The following FOXO3 variants were observed in gnomAD, a reference collection of about 807,000 sequenced individuals.
The protein encoded by FOXO3 is forkhead box protein O3.
In FOXO3, 4 loss-of-function variants were observed where a neutral mutation model predicts 41.9. The ratio of observed to expected loss-of-function variants is 0.10; its 90% CI spans 0.05 to 0.22. The LOEUF (loss-of-function observed/expected upper bound fraction) is 0.22, where lower values mean the gene tolerates loss of function less well. Ranked by LOEUF, FOXO3 falls within the 10% of genes least tolerant of loss-of-function variation. The pLI is 1.00. For synonymous variants in FOXO3, 318 were observed against 389.3 expected, an observed-to-expected ratio of 0.82 and a Z score of 2.16; for missense variants, 534 against 906.8, an observed-to-expected ratio of 0.59 and a Z score of 5.28.
intron 1 of FOXO3, among the ~76,000 whole-genome samples, chr6:108,581,280 C>T (rs1776413189): frequency 6.6e-6 from 1 of 152,018 alleles, no homozygotes; most frequent in South Asian, 2.1e-4. Context: ...TAGGAGGAGG[C>T]CAAACTGTGG....
intron 1 of FOXO3, among the ~76,000 whole-genome samples, chr6:108,613,409 A>G (rs1777415060): frequency 6.6e-6 from 1 of 152,196 alleles, no homozygotes; most frequent in African/African-American, 2.4e-5. Flanking sequence ...AATTTATTTC[A>G]TAGATACAAT....
intron 1 of FOXO3, among the ~76,000 whole-genome samples, chr6:108,614,712 G>GT (rs56801817): frequency 8.1e-4 from 121 of 149,306 alleles, no homozygotes; most frequent in African/African-American, 2.6e-3. Context: ...TGATGTTTTG[G>GT]TTTTTTTTTG....
At chr6:108,673,442 C>G (rs1276494948) in intron 2 of FOXO3, among the ~76,000 whole-genome samples, 2 of 152,246 alleles carry the variant, frequency 1.3e-5, no homozygotes, top group Non-Finnish European at 2.9e-5. Context: ...CTCTGTGGCA[C>G]TGGTGTGATG....
At chr6:108,657,387 T>C (rs1405341707) in intron 1 of FOXO3, among the ~76,000 whole-genome samples, 1 of 152,208 alleles carries the variant, frequency 6.6e-6, no homozygotes, top group Non-Finnish European at 1.5e-5. Context: ...GGGGTCATAG[T>C]AGCTTCTTAG....
chr6:108,657,195 C>G (rs1778713456), intron 1 of FOXO3, among the ~76,000 whole-genome samples: 1 of 152,214 alleles, frequency 6.6e-6, no homozygotes, highest in African/African-American at 2.4e-5. Flanking sequence ...ACTGCACTCT[C>G]TTTAGACACA....
Position 108,663,757 on chromosome 6 carries a change from C to T in FOXO3, c.924C>T (p.Asp308=). 6.2e-7 allele frequency: 1 copy of T among 1,613,844 alleles called. No individual in the cohort carries two copies. Among genetic ancestry groups the T allele is most frequent in the Admixed American group, 1.7e-5 (1 of 60,004 alleles). ...GTGATGAGCTGGATGCGTGGACGGACTTCCGTTCACGCACCAATTCTAACG... is the reference window on the plus strand; with the variant it reads ...GTGATGAGCTGGATGCGTGGACGGATTTCCGTTCACGCACCAATTCTAACG... ...RSSDELDAWT[D]FRSRTNSNAS... Residue 308 remains aspartate, a synonymous_variant, in exon 2 of 3, where the codon GAC becomes GAT. Coordinates refer to ENST00000406360, the MANE Select transcript of FOXO3 (RefSeq NM_001455.4).
At chr6:108,562,965 T>A (rs142376053) in intron 1 of FOXO3, among the ~76,000 whole-genome samples, 1 of 152,248 alleles carries the variant, frequency 6.6e-6, no homozygotes, top group African/African-American at 2.4e-5. Flanking sequence ...ACATCTCTTA[T>A]CAGCTGCCCA....
chr6:108,601,676 A>AT (rs1777061032), intron 1 of FOXO3, among the ~76,000 whole-genome samples: 2 of 152,178 alleles, frequency 1.3e-5, no homozygotes, highest in African/African-American at 4.8e-5. Context: ...GCAACCATTA[A>AT]TCTGCTCTTC....
chr6:108,582,658 A>G (rs1303837309), intron 1 of FOXO3, among the ~76,000 whole-genome samples: 1 of 151,614 alleles, frequency 6.6e-6, no homozygotes, highest in Non-Finnish European at 1.5e-5. Flanking sequence ...TTTTTCCCCA[A>G]GGAGACAGTT....
rs751375283 is a variant in FOXO3, at chr6:108,664,345, T to C, written c.1512T>C (p.Asn504=). Residue 504 remains asparagine (N), a synonymous_variant, in exon 2 of 3, where the codon AAT becomes AAC. Coordinates refer to ENST00000406360, the MANE Select transcript of FOXO3 (RefSeq NM_001455.4). ...CCAGCACCGCTGTGTCTGCCCAGAA[T>C]TCCCGCCGGAACGTGATGCTTCGCA... ...SQASTAVSAQ[N]SRRNVMLRND... is the part of the protein sequence containing the mutation. The C allele has an allele frequency of 1.9e-5, 31 of 1,609,248 alleles. No individual in the cohort carries two copies. The highest frequency in any genetic ancestry group is 2.6e-5 in the Non-Finnish European group (31 of 1,176,280).
chr6:108,602,334 G>C (rs1421225050), intron 1 of FOXO3, among the ~76,000 whole-genome samples: 2 of 152,000 alleles, frequency 1.3e-5, no homozygotes, highest in African/African-American at 4.8e-5. Flanking sequence ...CCAACACAGA[G>C]CATTATTACT....
chr6:108,635,453 AC>A (rs1327272572), intron 1 of FOXO3, among the ~76,000 whole-genome samples: 1 of 152,222 alleles, frequency 6.6e-6, no homozygotes. Flanking sequence ...TGAAGCAAAT[AC>A]GGCACAATAC....
Position 108,662,798 on chromosome 6 carries a change from G to A in FOXO3, c.622-657G>A, listed in dbSNP as rs115081346. Among the ~76,000 whole-genome samples, 364 of 152,188 alleles carry A rather than the reference G, an allele frequency of 2.4e-3. 2 individuals are homozygous for A. Among genetic ancestry groups the A allele is most frequent in the African/African-American group, 8.5e-3 (352 of 41,506 alleles). On this transcript the variant is annotated intron_variant, in intron 1 of 2. Coordinates refer to ENST00000406360, the MANE Select transcript of FOXO3 (RefSeq NM_001455.4). ...AGGAGTGTGGTAGTAAATTCCAAGT[G>A]TGAACTTCAATATGGGCAATATAAT...
chr6:108,588,174 A>G (rs1052174130), intron 1 of FOXO3, among the ~76,000 whole-genome samples: 3 of 152,360 alleles, frequency 2.0e-5, no homozygotes, highest in East Asian at 1.9e-4. Flanking sequence ...CTTTAAGTTG[A>G]TAAGTTCAAG....
intron 1 of FOXO3, among the ~76,000 whole-genome samples, chr6:108,605,084 T>G (rs1413663875): frequency 6.6e-6 from 1 of 152,206 alleles, no homozygotes; most frequent in African/African-American, 2.4e-5. Context: ...ATAGTCACAC[T>G]CTTTATCATG....
intron 1 of FOXO3, among the ~76,000 whole-genome samples, chr6:108,625,382 A>G (rs1445947632): frequency 6.6e-6 from 1 of 152,174 alleles, no homozygotes; most frequent in African/African-American, 2.4e-5. Context: ...CCCCTTTTGT[A>G]TAGTCAAATT....
At chr6:108,656,593 G>A (rs1164915499) in intron 1 of FOXO3, 1 of 841,324 alleles carries the variant, frequency 1.2e-6, no homozygotes, top group East Asian at 1.2e-4. Flanking sequence ...CAGTTGTTGG[G>A]AGCTGCTTTT....
intron 1 of FOXO3, among the ~76,000 whole-genome samples, chr6:108,622,215 T>C (rs947857648): frequency 4.5e-5 from 6 of 134,388 alleles, no homozygotes; most frequent in African/African-American, 1.7e-4. Flanking sequence ...GCCCAAATCA[T>C]GCCACTGCAC....
rs1476817391 is a variant in FOXO3 at position 108,680,904 on chromosome 6, C to T, written c.*1112C>T. 1 of 152,564 alleles carries T rather than the reference C, an allele frequency of 6.6e-6. No homozygotes were observed. Among genetic ancestry groups the T allele is most frequent in the Admixed American group, 6.5e-5 (1 of 15,278 alleles). 9.5% of individuals were successfully genotyped at this position (152,564 alleles called of 1,614,324 possible). On this transcript the variant is annotated 3_prime_UTR_variant, in exon 3 of 3. Coordinates refer to ENST00000406360, the MANE Select transcript of FOXO3 (RefSeq NM_001455.4). ...CTTCACTGTTTTCCTAAATACACATCCTTGATTATTTTCAGCCTTGCTATA... is the reference window on the plus strand; with the variant it reads ...CTTCACTGTTTTCCTAAATACACATTCTTGATTATTTTCAGCCTTGCTATA...
Sources: allele counts gnomAD v4.1 joint callset (sites outside exome capture counted in the v4.1 genomes callset), GRCh38; gene constraint gnomAD v4.1.1; transcripts MANE v1.5; gene names NCBI Gene and HGNC (gene_info 2026-07-23, HGNC 2026-07-21).